Variants in LYPD6 observed in about 807,000 individuals in gnomAD.
The protein encoded by LYPD6 is ly6/PLAUR domain-containing protein 6.
In LYPD6, 15 loss-of-function variants were observed where a neutral mutation model predicts 22.7. The observed-to-expected ratio is 0.66, with a 90% CI of 0.44 to 1.02. The LOEUF is 1.02. LYPD6 is among the 50% of genes least tolerant of loss of function. LYPD6 has a pLI of 0.00. For missense variants in LYPD6, 189 were observed against 208.4 expected (o/e 0.91, Z 0.57); for synonymous variants, 72 against 77.5 (o/e 0.93, Z 0.37).
At chr2:149,441,688 A>G (rs1347042658) in intron 2 of LYPD6, among the ~76,000 whole-genome samples, 4 of 152,206 alleles carry the variant, frequency 2.6e-5, no homozygotes, top group African/African-American at 4.8e-5. Context: ...TTCCCAGCCT[A>G]TGATTCAAAT....
rs559957287 is a variant in LYPD6 at position 149,399,698 on chromosome 2, A to C, written c.-71-37940A>C. ...AATAAAATATAAATAATAAATTATAAAATAAAATATATAAATTATAAGTAT... is the reference window on the plus strand; with the variant it reads ...AATAAAATATAAATAATAAATTATACAATAAAATATATAAATTATAAGTAT... On this transcript the variant is annotated intron_variant, in intron 1 of 4. Transcript: ENST00000334166. 2.1e-5 allele frequency among the ~76,000 whole-genome samples: 3 copies of C among 141,126 alleles called. No homozygotes were observed. In the East Asian group the frequency reaches 5.9e-4, roughly 28 times the overall value. 92.6% of individuals were successfully genotyped at this position (141,126 alleles called of 152,430 possible).
chr2:149,448,428 A>G (rs1396087921), intron 2 of LYPD6, among the ~76,000 whole-genome samples: 1 of 152,178 alleles, frequency 6.6e-6, no homozygotes, highest in Non-Finnish European at 1.5e-5. Flanking sequence ...AGTTCTACCT[A>G]ATTTTATCAT....
At chr2:149,448,559 C>G (rs1163700305) in intron 2 of LYPD6, among the ~76,000 whole-genome samples, 1 of 152,140 alleles carries the variant, frequency 6.6e-6, no homozygotes, top group Non-Finnish European at 1.5e-5. Flanking sequence ...ACCCCCACCT[C>G]TGCCATCCCT....
chr2:149,439,267 G>A (rs1332428077), intron 2 of LYPD6, among the ~76,000 whole-genome samples: 3 of 152,104 alleles, frequency 2.0e-5, no homozygotes, highest in Non-Finnish European at 4.4e-5. Flanking sequence ...AGTATAGTCT[G>A]GTGCCCACTG....
At chr2:149,463,801 A>T (rs1681138755) in intron 3 of LYPD6, among the ~76,000 whole-genome samples, 1 of 152,204 alleles carries the variant, frequency 6.6e-6, no homozygotes, top group Admixed American at 6.6e-5. Context: ...ACTCATTTAT[A>T]TAACATTCTC....
chr2:149,369,174 TAATC>T (rs761616154), intron 1 of LYPD6, among the ~76,000 whole-genome samples: 3 of 151,832 alleles, frequency 2.0e-5, no homozygotes, highest in African/African-American at 2.4e-5. Context: ...AGTGGTATGA[TAATC>T]AAGGTTCCCG....
intron 1 of LYPD6, among the ~76,000 whole-genome samples, chr2:149,341,187 A>T (rs1681153574): frequency 2.0e-5 from 3 of 152,126 alleles, no homozygotes. Context: ...TAAAAGAACT[A>T]CCCGAGTGAA....
At chr2:149,484,757 A>G in the LYPD6 span, among the ~76,000 whole-genome samples, 1 of 152,308 alleles carries the variant, frequency 6.6e-6, no homozygotes, top group Non-Finnish European at 1.5e-5. Context: ...AAAAAGAAGC[A>G]CACCTAAATC....
chr2:149,376,195 T>C (rs1271660671), intron 1 of LYPD6, among the ~76,000 whole-genome samples: 1 of 152,154 alleles, frequency 6.6e-6, no homozygotes, highest in Non-Finnish European at 1.5e-5. Context: ...AAAACAGCCC[T>C]ACAGATAAAT....
chr2:149,398,226 A>AT (rs1248459880), intron 1 of LYPD6, among the ~76,000 whole-genome samples: 51 of 151,920 alleles, frequency 3.4e-4, no homozygotes, highest in Non-Finnish European at 5.9e-4. Context: ...AAAAGCAGGG[A>AT]TTTTTTTCTC....
chr2:149,423,769 G>T (rs1258855532), intron 1 of LYPD6, among the ~76,000 whole-genome samples: 1 of 112,392 alleles, frequency 8.9e-6, no homozygotes, highest in East Asian at 3.2e-4. Flanking sequence ...CTCTGCCGGG[G>T]CGGGGGGTGG....
intron 1 of LYPD6, among the ~76,000 whole-genome samples, chr2:149,401,990 C>G (rs1349619293): frequency 2.6e-5 from 4 of 152,048 alleles, no homozygotes; most frequent in Non-Finnish European, 5.9e-5. Flanking sequence ...AGTTACTTCA[C>G]TTAGAATAAT....
chr2:149,348,061 CAAAAAAAA>C (rs58228847), intron 1 of LYPD6, among the ~76,000 whole-genome samples: 1 of 76,718 alleles, frequency 1.3e-5, no homozygotes, highest in African/African-American at 4.2e-5. Context: ...ACTAAAAATA[CAAAAAAAA>C]AAAAAAAAAA....
intron 1 of LYPD6, among the ~76,000 whole-genome samples, chr2:149,389,494 G>C (rs1003397120): frequency 6.6e-6 from 1 of 152,152 alleles, no homozygotes; most frequent in African/African-American, 2.4e-5. Context: ...ACGAAAATTA[G>C]AGAAGCCAAA....
intron 1 of LYPD6, among the ~76,000 whole-genome samples, chr2:149,418,348 G>A (rs1683008315): frequency 6.6e-6 from 1 of 152,128 alleles, no homozygotes; most frequent in African/African-American, 2.4e-5. Context: ...TTTATTCTAA[G>A]AAAATAATGG....
At chr2:149,401,321 C>G (rs942408706) in intron 1 of LYPD6, among the ~76,000 whole-genome samples, 1 of 152,136 alleles carries the variant, frequency 6.6e-6, no homozygotes, top group Non-Finnish European at 1.5e-5. Context: ...CGGTTGCCAC[C>G]CTGAACAAAA....
At chr2:149,453,251 C>T (rs192481585) in intron 3 of LYPD6, among the ~76,000 whole-genome samples, 33 of 152,220 alleles carry the variant, frequency 2.2e-4, no homozygotes, top group Non-Finnish European at 4.6e-4. Context: ...AGTTGAATGT[C>T]GTGTGCTTGG....
chr2:149,334,186 A>G (rs1422828525), intron 1 of LYPD6, among the ~76,000 whole-genome samples: 1 of 152,198 alleles, frequency 6.6e-6, no homozygotes, highest in Non-Finnish European at 1.5e-5. Context: ...CAGTTTATTA[A>G]ATTGACCTTA....
At chr2:149,390,635 C>T (rs1682287635) in intron 1 of LYPD6, among the ~76,000 whole-genome samples, 1 of 152,146 alleles carries the variant, frequency 6.6e-6, no homozygotes, top group Admixed American at 6.5e-5. Context: ...ACTGCTTATC[C>T]TAGCTTACAT....
Sources: gnomAD v4.1 joint callset for allele counts (sites outside exome capture counted in the v4.1 genomes callset) on GRCh38, gnomAD v4.1.1 for gene constraint, MANE v1.5 for transcripts, NCBI Gene and HGNC (gene_info 2026-07-23, HGNC 2026-07-21) for gene names.